The following NYAP2 variants were observed in gnomAD, a reference collection of about 807,000 sequenced individuals.
NYAP2 encodes the protein neuronal tyrosine-phosphorylated phosphoinositide-3-kinase adaptor 2.
Under a neutral mutation model 50.4 loss-of-function variants are expected in NYAP2, and 23 were observed. The observed-to-expected ratio is 0.46, with a 90% CI of 0.33 to 0.65. The LOEUF is 0.65. Ranked by LOEUF, NYAP2 falls within the 30% of genes least tolerant of loss-of-function variation. NYAP2 has a pLI of 0.02. For missense variants in NYAP2, 885 were observed against 861.0 expected (o/e 1.03, Z -0.35); for synonymous variants, 394 against 365.2 (o/e 1.08, Z -0.90).
At chr2:225,438,069 C>T (rs1689411128) in intron 3 of NYAP2, among the ~76,000 whole-genome samples, 1 of 152,120 alleles carries the variant, frequency 6.6e-6, no homozygotes, top group South Asian at 2.1e-4. Context: ...TAGCTTGGAA[C>T]ATGATTGTTT....
At chr2:225,406,727 A>G (rs1321269291) in intron 2 of NYAP2, among the ~76,000 whole-genome samples, 6 of 152,128 alleles carry the variant, frequency 3.9e-5, no homozygotes, top group African/African-American at 9.6e-5. Context: ...TAAAAAATGC[A>G]TCTTTCTATA....
At chr2:225,643,263 G>T (rs184576014) in intron 6 of NYAP2, among the ~76,000 whole-genome samples, 1 of 152,004 alleles carries the variant, frequency 6.6e-6, no homozygotes, top group African/African-American at 2.4e-5. Flanking sequence ...GATTTTTCCA[G>T]GAAAGCATTT....
At chr2:225,435,169 A>AGGAGTTG (rs1385129085) in intron 3 of NYAP2, among the ~76,000 whole-genome samples, 1 of 152,142 alleles carries the variant, frequency 6.6e-6, no homozygotes, top group Non-Finnish European at 1.5e-5. Context: ...TATATCCCAG[A>AGGAGTTG]CAGTTGCTAT....
At chr2:225,668,469 CAGTGGATTG>C in the NYAP2 span, among the ~76,000 whole-genome samples, 1 of 152,100 alleles carries the variant, frequency 6.6e-6, no homozygotes, top group Non-Finnish European at 1.5e-5. Flanking sequence ...AGGATCAGAT[CAGTGGATTG>C]AGTATATTAT....
chr2:225,597,512 A>AATACATATATATAT (rs1692623029), intron 5 of NYAP2, among the ~76,000 whole-genome samples: 1 of 46,220 alleles, frequency 2.2e-5, no homozygotes, highest in Admixed American at 3.7e-4. Context: ...TCCAAGGAGA[A>AATACATATATATAT]ATATATATAT....
At chr2:225,434,355 T>C (rs1350115209) in intron 3 of NYAP2, among the ~76,000 whole-genome samples, 5 of 152,196 alleles carry the variant, frequency 3.3e-5, no homozygotes, top group African/African-American at 1.2e-4. Flanking sequence ...ACAAACCTAT[T>C]TCTTTCATAA....
At chr2:225,698,377 C>T in the NYAP2 span, 1 of 152,172 alleles carries the variant, frequency 6.6e-6, no homozygotes, top group Non-Finnish European at 1.5e-5. Flanking sequence ...TGAGAAAAAG[C>T]GTTGCTTGTG....
chr2:225,476,229 C>T (rs1298510139), intron 3 of NYAP2, among the ~76,000 whole-genome samples: 2 of 151,972 alleles, frequency 1.3e-5, no homozygotes, highest in African/African-American at 4.8e-5. Context: ...CTGGCTAACA[C>T]GATGAAACCC....
At chr2:225,513,559 G>A (rs199858399) in exon 4 of NYAP2, 1 of 1,608,952 alleles carries the variant, frequency 6.2e-7, no homozygotes, top group African/African-American at 1.3e-5. Flanking sequence ...GGCTCACGGA[G>A]ACAACCACCA....
intron 3 of NYAP2, among the ~76,000 whole-genome samples, chr2:225,410,377 A>T (rs1695017436): frequency 6.6e-6 from 1 of 152,056 alleles, no homozygotes; most frequent in Non-Finnish European, 1.5e-5. Context: ...AACCAATTTT[A>T]ACTGGTGTCA....
the NYAP2 span, among the ~76,000 whole-genome samples, chr2:225,683,049 A>T: frequency 6.6e-6 from 1 of 152,012 alleles, no homozygotes; most frequent in East Asian, 1.9e-4. Context: ...TCTTCCCAGT[A>T]TTATTCCTCT....
At chr2:225,583,136 G>C (rs1692329639) in intron 5 of NYAP2, 101 bp downstream of exon 5, 2 of 1,341,020 alleles carry the variant, frequency 1.5e-6, no homozygotes. Flanking sequence ...ACGGGGTCTT[G>C]AGGCCTTGGA....
intron 2 of NYAP2, among the ~76,000 whole-genome samples, chr2:225,406,747 C>T (rs962484260): frequency 6.6e-6 from 1 of 151,822 alleles, no homozygotes; most frequent in Non-Finnish European, 1.5e-5. Context: ...AGTGTAAATA[C>T]TTTATAATAT....
intron 5 of NYAP2, among the ~76,000 whole-genome samples, chr2:225,620,473 GCA>G (rs1344010083): frequency 2.2e-5 from 3 of 139,138 alleles, no homozygotes; most frequent in Admixed American, 1.4e-4. Flanking sequence ...GCATGCACAC[GCA>G]CACGCACGCA....
At chr2:225,663,142 G>A in the NYAP2 span, among the ~76,000 whole-genome samples, 10 of 152,186 alleles carry the variant, frequency 6.6e-5, no homozygotes, top group Non-Finnish European at 1.3e-4. Flanking sequence ...GCACTAGGGA[G>A]AAGCAAGATG....
At chr2:225,565,936 A>G (rs188244460) in intron 4 of NYAP2, among the ~76,000 whole-genome samples, 355 of 152,248 alleles carry the variant, frequency 2.3e-3, no homozygotes, top group Non-Finnish European at 4.2e-3. Flanking sequence ...TTGTAAAACA[A>G]ATATGCACCA....
chr2:225,567,350 G>A lies in NYAP2; in HGVS notation c.524-14591G>A, dbSNP rs75147591. ...GAAAGAAAAAAAGAAAATTTGAAGGGATATATAAGAAAGAGATTTGAAAAC... is the reference window on the plus strand; with the variant it reads ...GAAAGAAAAAAAGAAAATTTGAAGGAATATATAAGAAAGAGATTTGAAAAC... On this transcript the variant is annotated intron_variant, in intron 4 of 6. Transcript: ENST00000636099. 4.7e-3 allele frequency among the ~76,000 whole-genome samples: 715 copies of A among 151,990 alleles called. 4 individuals carry two copies. The highest frequency in any genetic ancestry group is 6.8e-3 in the Middle Eastern group (2 of 294).
At chr2:225,625,327 T>G (rs968517017) in intron 5 of NYAP2, among the ~76,000 whole-genome samples, 2 of 152,126 alleles carry the variant, frequency 1.3e-5, no homozygotes, top group African/African-American at 4.8e-5. Context: ...AATTAAAAAT[T>G]CATGGAGCAA....
At chr2:225,514,754 A>C (rs529221258) in intron 4 of NYAP2, among the ~76,000 whole-genome samples, 41 of 152,160 alleles carry the variant, frequency 2.7e-4, no homozygotes, top group Non-Finnish European at 5.1e-4. Flanking sequence ...AAGGTTCCCA[A>C]TGCTGCCAGT....
Sources: allele counts gnomAD v4.1 joint callset (sites outside exome capture counted in the v4.1 genomes callset), GRCh38; gene constraint gnomAD v4.1.1; transcripts MANE v1.5; gene names NCBI Gene and HGNC (gene_info 2026-07-23, HGNC 2026-07-21).